The following PBX3 variants were observed in gnomAD, a reference collection of about 807,000 sequenced individuals.
PBX3 encodes the protein PBX homeobox 3.
Under a neutral mutation model 48.5 loss-of-function variants are expected in PBX3, and 14 were observed. The ratio of observed to expected loss-of-function variants is 0.29; its 90% CI spans 0.19 to 0.45. The LOEUF is 0.45. Among genes scored for constraint, PBX3 ranks in the 20% least tolerant of loss-of-function variants. The pLI is 1.00. For synonymous variants in PBX3, 210 were observed against 200.3 expected, an observed-to-expected ratio of 1.05 and a Z score of -0.41; for missense variants, 386 against 546.7, an observed-to-expected ratio of 0.71 and a Z score of 2.93.
chr9:125,856,348 A>C (rs1358115155), intron 2 of PBX3, among the ~76,000 whole-genome samples: 1 of 152,216 alleles, frequency 6.6e-6, no homozygotes, highest in Non-Finnish European at 1.5e-5. Context: ...TTTCTGTCAC[A>C]GGTCAGGCTT....
intron 5 of PBX3, among the ~76,000 whole-genome samples, chr9:125,937,388 T>G (rs1446346190): frequency 6.6e-6 from 1 of 152,144 alleles, no homozygotes; most frequent in Non-Finnish European, 1.5e-5. Context: ...ATTAAATTTA[T>G]TTCACTTGTT....
At chr9:125,861,622 A>G (rs922492077) in intron 2 of PBX3, among the ~76,000 whole-genome samples, 1 of 152,242 alleles carries the variant, frequency 6.6e-6, no homozygotes, top group African/African-American at 2.4e-5. Context: ...ATACAATGGA[A>G]TATTATTCAG....
At chr9:125,837,705 C>T (rs1222979169) in intron 2 of PBX3, among the ~76,000 whole-genome samples, 2 of 152,070 alleles carry the variant, frequency 1.3e-5, no homozygotes, top group South Asian at 2.1e-4. Context: ...ATTCTTCCGC[C>T]TCAGCCACCC....
At chr9:125,825,452 A>G (rs992394345) in intron 2 of PBX3, among the ~76,000 whole-genome samples, 1 of 152,140 alleles carries the variant, frequency 6.6e-6, no homozygotes, top group African/African-American at 2.4e-5. Context: ...TTATATTTCC[A>G]AAATAAAAAA....
At chr9:125,944,761 G>GT (rs1198632984) in intron 5 of PBX3, among the ~76,000 whole-genome samples, 2 of 152,132 alleles carry the variant, frequency 1.3e-5, no homozygotes, top group Non-Finnish European at 2.9e-5. Context: ...GTGTTATTAT[G>GT]TGGGGGGTGG....
chr9:125,880,111 C>A (rs553189404), intron 2 of PBX3, among the ~76,000 whole-genome samples: 1 of 152,202 alleles, frequency 6.6e-6, no homozygotes, highest in East Asian at 1.9e-4. Flanking sequence ...GTGGTGCAAT[C>A]TCGGCTCACT....
At chr9:125,841,860 A>C (rs1839297413) in intron 2 of PBX3, among the ~76,000 whole-genome samples, 1 of 152,164 alleles carries the variant, frequency 6.6e-6, no homozygotes, top group South Asian at 2.1e-4. Flanking sequence ...TTAGAGTGGA[A>C]CACTTTAGTT....
At chr9:125,819,297 G>C (rs1369983240) in intron 2 of PBX3, among the ~76,000 whole-genome samples, 1 of 151,984 alleles carries the variant, frequency 6.6e-6, no homozygotes, top group Non-Finnish European at 1.5e-5. Context: ...GGGAGGCCTA[G>C]GTGGGCGGAT....
chr9:125,948,616 G>A (rs1290320702), intron 5 of PBX3, among the ~76,000 whole-genome samples: 1 of 151,858 alleles, frequency 6.6e-6, no homozygotes, highest in Non-Finnish European at 1.5e-5. Context: ...GAAATTTATA[G>A]CTTTATATAT....
intron 5 of PBX3, among the ~76,000 whole-genome samples, chr9:125,953,469 C>T (rs1004699075): frequency 2.9e-4 from 31 of 106,502 alleles, no homozygotes; most frequent in African/African-American, 9.2e-4. Flanking sequence ...AGAGCGAGAC[C>T]CTGTCTCAAA....
intron 2 of PBX3, among the ~76,000 whole-genome samples, chr9:125,877,408 T>G (rs568516235): frequency 4.6e-5 from 7 of 152,322 alleles, no homozygotes; most frequent in Admixed American, 3.3e-4. Context: ...CTAGGACTTG[T>G]GGCATTATAA....
At chr9:125,780,164 G>C (rs1408765086) in intron 2 of PBX3, among the ~76,000 whole-genome samples, 1 of 135,318 alleles carries the variant, frequency 7.4e-6, no homozygotes, top group African/African-American at 2.8e-5. Flanking sequence ...CTCACCTCCC[G>C]GACGGGGCGG....
intron 1 of PBX3, 21 bp downstream of exon 1, chr9:125,747,674 C>T (rs772951946): frequency 1.3e-6 from 2 of 1,562,240 alleles, no homozygotes; most frequent in Non-Finnish European, 1.7e-6. Flanking sequence ...TCTCATTAAG[C>T]ATCTTTTGTG....
intron 2 of PBX3, among the ~76,000 whole-genome samples, chr9:125,757,095 T>C (rs998987105): frequency 1.3e-5 from 2 of 152,178 alleles, no homozygotes; most frequent in South Asian, 2.1e-4. Flanking sequence ...GAAGGACTTA[T>C]GAAATTCTTG....
At chr9:125,877,731 C>T (rs1840289477) in intron 2 of PBX3, among the ~76,000 whole-genome samples, 2 of 152,138 alleles carry the variant, frequency 1.3e-5, no homozygotes, top group African/African-American at 2.4e-5. Context: ...CTACTTCTGG[C>T]CCTTGTTACT....
At chr9:125,965,570 G>A (rs903911921) in intron 8 of PBX3, among the ~76,000 whole-genome samples, 1 of 152,194 alleles carries the variant, frequency 6.6e-6, no homozygotes, top group African/African-American at 2.4e-5. Flanking sequence ...ATCAAAGGCC[G>A]AGCTCGATGC....
intron 5 of PBX3, among the ~76,000 whole-genome samples, chr9:125,960,223 G>A (rs1362609444): frequency 6.6e-6 from 1 of 152,182 alleles, no homozygotes; most frequent in Non-Finnish European, 1.5e-5. Flanking sequence ...ATTAATTGAT[G>A]TTACTCTTTT....
Position 125,747,385 on chromosome 9 carries a change from C to T in PBX3, c.-69C>T, listed in dbSNP as rs923714262. 4 of 741,954 alleles carry T rather than the reference C, an allele frequency of 5.4e-6. No homozygotes were observed. The highest frequency in any genetic ancestry group is 3.6e-6 in the Non-Finnish European group (2 of 557,930). The allele number at this position is 741,954 out of a possible 1,614,324, so 46.0% of individuals were successfully genotyped here. ...CCCCCTCTTTCTTCTCCTCCCTCGTCGCCGCCGCCGCCGCCGCCGCCTCAG... is the reference window on the plus strand; with the variant it reads ...CCCCCTCTTTCTTCTCCTCCCTCGTTGCCGCCGCCGCCGCCGCCGCCTCAG... On this transcript the variant is annotated 5_prime_UTR_variant, in exon 1 of 9. Coordinates refer to ENST00000373489, the MANE Select transcript of PBX3 (RefSeq NM_006195.6).
At chr9:125,757,074 G>A (rs895844876) in intron 2 of PBX3, among the ~76,000 whole-genome samples, 8 of 152,096 alleles carry the variant, frequency 5.3e-5, no homozygotes, top group African/African-American at 1.9e-4. Context: ...AATTTATAGA[G>A]GAATTATTGG....
Sources: gnomAD v4.1 joint callset for allele counts (sites outside exome capture counted in the v4.1 genomes callset) on GRCh38, gnomAD v4.1.1 for gene constraint, MANE v1.5 for transcripts, NCBI Gene and HGNC (gene_info 2026-07-23, HGNC 2026-07-21) for gene names.